FHL2: variants seen among roughly 807,000 people sequenced by gnomAD.
FHL2 encodes four and a half LIM domains 2, also known as four and a half LIM domains protein 2.
Under a neutral mutation model 32.7 loss-of-function variants are expected in FHL2, and 20 were observed. The ratio of observed to expected loss-of-function variants is 0.61; its 90% CI spans 0.43 to 0.89. The LOEUF (loss-of-function observed/expected upper bound fraction) is 0.89, where lower values mean the gene tolerates loss of function less well. FHL2 is among the 40% of genes least tolerant of loss of function. FHL2 has a pLI of 0.00. For synonymous variants in FHL2, 123 were observed against 128.1 expected (o/e 0.96, Z 0.27); for missense variants, 311 against 358.6 (o/e 0.87, Z 1.07).
chr2:105,409,610 A>G (rs1683735090), intron 1 of FHL2, among the ~76,000 whole-genome samples: 1 of 152,204 alleles, frequency 6.6e-6, no homozygotes, highest in African/African-American at 2.4e-5. Flanking sequence ...CATTTTGATC[A>G]TTGTTTGAGA....
intron 5 of FHL2, among the ~76,000 whole-genome samples, chr2:105,365,693 T>C (rs895813857): frequency 1.5e-5 from 2 of 135,104 alleles, no homozygotes; most frequent in African/African-American, 2.8e-5. Context: ...AAAAAAAAAA[T>C]TAGGTGGGTT....
chr2:105,359,694 T>A (rs975755305), downstream of FHL2: 16 of 152,232 alleles, frequency 1.1e-4, no homozygotes, highest in Admixed American at 9.8e-4. Flanking sequence ...CTCAGAATGT[T>A]ATTTTTACTG....
intron 5 of FHL2, 115 bp downstream of exon 5, chr2:105,367,455 C>T: frequency 3.7e-6 from 4 of 1,072,672 alleles, no homozygotes; most frequent in Non-Finnish European, 5.5e-6. Context: ...AGGCACAGCT[C>T]CCACGCCACT....
chr2:105,425,632 C>T (rs976729599), intron 1 of FHL2, among the ~76,000 whole-genome samples: 2 of 152,006 alleles, frequency 1.3e-5, no homozygotes, highest in Non-Finnish European at 2.9e-5. Context: ...AGAAAAGCTG[C>T]CCTGTGGCGG....
chr2:105,396,974 A>G (rs1275542497), intron 1 of FHL2: 1 of 408,542 alleles, frequency 2.4e-6, no homozygotes, highest in Non-Finnish European at 4.4e-6. Flanking sequence ...GGCCCTCGGC[A>G]CAGGACAGGA....
At chr2:105,373,507 A>C (rs1375346913) in intron 4 of FHL2, 52 bp downstream of exon 4, 1 of 1,604,758 alleles carries the variant, frequency 6.2e-7, no homozygotes, top group Non-Finnish European at 8.5e-7. Context: ...AGGAACGTGC[A>C]CAAGGCTTGA....
Position 105,409,366 on chromosome 2 carries a change from GC to G in FHL2, c.-24-22827del, listed in dbSNP as rs533396979. ...CATTTTAGAGGAAGAAGCTGAAGTTGCCCCCAGAAGTCTCCCATGATGCTCA... is the reference window on the plus strand; with the variant it reads ...CATTTTAGAGGAAGAAGCTGAAGTTGCCCCAGAAGTCTCCCATGATGCTCA... On this transcript the variant is annotated intron_variant, in intron 1 of 5. Coordinates refer to the FHL2 transcript ENST00000393352. Among the ~76,000 whole-genome samples the G allele has an allele frequency of 2.6e-5, 4 of 152,236 alleles. No individual in the cohort carries two copies. In the South Asian group the frequency reaches 8.3e-4, roughly 32 times the overall value.
intron 5 of FHL2, among the ~76,000 whole-genome samples, chr2:105,364,253 CAAAAA>C: frequency 7.2e-6 from 1 of 138,048 alleles, no homozygotes. Flanking sequence ...GAGACTGTCT[CAAAAA>C]CAAAACAAAA....
chr2:105,438,516 G>A (rs1042070040), upstream of FHL2: 87 of 985,526 alleles, frequency 8.8e-5, no homozygotes, highest in Middle Eastern at 1.6e-3. Flanking sequence ...AGCCAGCTGC[G>A]CTGCCCTTGT....
intron 1 of FHL2, among the ~76,000 whole-genome samples, chr2:105,407,929 T>C (rs758009417): frequency 6.6e-6 from 1 of 152,236 alleles, no homozygotes; most frequent in Non-Finnish European, 1.5e-5. Context: ...GGGGAATTCA[T>C]GGCTTTAGTT....
upstream of FHL2, among the ~76,000 whole-genome samples, chr2:105,400,286 C>A (rs552996818): frequency 6.6e-6 from 1 of 152,296 alleles, no homozygotes. Context: ...AAATGCCTCT[C>A]ATCCCTCAGT....
At chr2:105,407,391 CAAAAAAAA>C (rs35638962) in intron 1 of FHL2, among the ~76,000 whole-genome samples, 2 of 78,492 alleles carry the variant, frequency 2.5e-5, no homozygotes, top group Non-Finnish European at 5.1e-5. Context: ...GACTCTGTCT[CAAAAAAAA>C]AAAAAAAAAA....
chr2:105,363,464 G>A lies in FHL2; in HGVS notation c.509C>T (p.Thr170Ile), dbSNP rs750539692. ...MQCVQCKKPI[T>I]TGGVTYREQP... ...CTCCCGGTAAGTGACCCCTCCCGTG[G>A]TGATGGGCTGCAGGGACGAGGGGGA... Residue 170 changes from threonine to isoleucine, a missense_variant, in exon 6 of 7, where the codon ACC becomes ATC. By Grantham distance (89) the Thr-to-Ile change is moderately conservative (BLOSUM62 -1). Coordinates refer to ENST00000530340, the MANE Select transcript of FHL2 (RefSeq NM_001318895.3). 1 of 1,607,626 alleles carries A rather than the reference G, an allele frequency of 6.2e-7. No individual in the cohort carries two copies. Among genetic ancestry groups the A allele is most frequent in the East Asian group, 2.2e-5 (1 of 44,694 alleles).
At chr2:105,373,378 A>G (rs1436550818) in intron 4 of FHL2, among the ~76,000 whole-genome samples, 181 bp downstream of exon 4, 2 of 152,234 alleles carry the variant, frequency 1.3e-5, no homozygotes, top group Non-Finnish European at 2.9e-5. Context: ...GTTACTGCCC[A>G]TGATAGAACC....
At chr2:105,381,118 A>G (rs1388799496) in intron 3 of FHL2, among the ~76,000 whole-genome samples, 1 of 151,926 alleles carries the variant, frequency 6.6e-6, no homozygotes, top group Non-Finnish European at 1.5e-5. Context: ...CCTCCTTCGC[A>G]CCCCATTCCA....
intron 4 of FHL2, among the ~76,000 whole-genome samples, chr2:105,370,683 C>A (rs1305170553): frequency 6.6e-6 from 1 of 152,188 alleles, no homozygotes; most frequent in Non-Finnish European, 1.5e-5. Context: ...TGAATGGGTT[C>A]TAACACTTTT....
intron 5 of FHL2, among the ~76,000 whole-genome samples, chr2:105,365,715 C>T (rs1460751219): frequency 6.6e-6 from 1 of 151,038 alleles, no homozygotes; most frequent in Non-Finnish European, 1.5e-5. Flanking sequence ...GGTGGTGGCA[C>T]CTGCCTGTAA....
intron 2 of FHL2, among the ~76,000 whole-genome samples, chr2:105,389,474 T>C (rs1342667931): frequency 6.6e-6 from 1 of 152,142 alleles, no homozygotes; most frequent in South Asian, 2.1e-4. Context: ...GCCCATTCCA[T>C]GCCCACAAAC....
intron 4 of FHL2, among the ~76,000 whole-genome samples, chr2:105,372,539 C>T (rs909869497): frequency 3.3e-5 from 5 of 152,064 alleles, no homozygotes; most frequent in African/African-American, 1.2e-4. Context: ...ACATATATTT[C>T]TAAACTATTT....
Sources: gnomAD v4.1 joint callset for allele counts (sites outside exome capture counted in the v4.1 genomes callset) on GRCh38, gnomAD v4.1.1 for gene constraint, MANE v1.5 for transcripts, NCBI Gene and HGNC (gene_info 2026-07-23, HGNC 2026-07-21) for gene names.